The following BARHL1 variants were observed in gnomAD, a reference collection of about 807,000 sequenced individuals.
The protein encoded by BARHL1 is barH-like 1 homeobox protein.
In BARHL1, 2 loss-of-function variants were observed where a neutral mutation model predicts 20.1. That is an observed-to-expected ratio of 0.10 (90% CI 0.04 to 0.31). The LOEUF (loss-of-function observed/expected upper bound fraction) is 0.31. BARHL1 is among the 10% of genes least tolerant of loss of function. The probability of loss-of-function intolerance (pLI) is 1.00; values close to 1 mark genes in which losing one functional copy is unlikely to be tolerated. For synonymous variants in BARHL1, 213 were observed against 209.9 expected (o/e 1.01, Z -0.13); for missense variants, 397 against 454.0 (o/e 0.87, Z 1.14).
chr9:132,586,968 C>T (rs559852236), intron 1 of BARHL1, among the ~76,000 whole-genome samples: 35 of 152,390 alleles, frequency 2.3e-4, no homozygotes, highest in African/African-American at 8.4e-4. Flanking sequence ...GGTCCCTTCC[C>T]CTACGCTGGC....
rs933086142 is a variant in BARHL1 at position 132,587,851 on chromosome 9, G to A, written c.689+300G>A. ...CTGCCCCAGCTCAGCCGGAGTGGGG[G>A]GAGGTCTGCCTGGAGCCCCCACCTG... On this transcript the variant is annotated intron_variant, in intron 2 of 2. Transcript: ENST00000263610. The surrounding 1 kb of genome is among the most constrained non-coding windows in gnomAD (Gnocchi z 5.5). Among the ~76,000 whole-genome samples, 4 of 152,208 alleles carry A rather than the reference G, an allele frequency of 2.6e-5. No homozygotes were observed. The highest frequency in any genetic ancestry group is 9.6e-5 in the African/African-American group (4 of 41,460).
At chr9:132,585,478 T>C (rs1021135654) in intron 1 of BARHL1, among the ~76,000 whole-genome samples, 7 of 152,188 alleles carry the variant, frequency 4.6e-5, no homozygotes, top group Non-Finnish European at 7.3e-5. Flanking sequence ...TATTTGATAA[T>C]ATTTAAAGAA....
In BARHL1 at chr9:132,583,022, C is replaced by T; in HGVS notation, c.225C>T (p.Asp75=). The change falls in exon 1 of 3, where the codon GAC becomes GAT. Residue 75 remains aspartate (D), a synonymous_variant. Coordinates refer to ENST00000263610, the MANE Select transcript of BARHL1 (RefSeq NM_020064.4). ...RPGGASGPGL[D]SHLQPGQLSA... ...GCGGGGCATCCGGCCCAGGTTTGGACTCCCACCTGCAGCCCGGGCAGCTCT... is the reference window on the plus strand; with the variant it reads ...GCGGGGCATCCGGCCCAGGTTTGGATTCCCACCTGCAGCCCGGGCAGCTCT... The T allele has an allele frequency of 6.2e-7, 1 of 1,613,814 alleles. No individual in the cohort carries two copies. Among genetic ancestry groups the T allele is most frequent in the Non-Finnish European group, 8.5e-7 (1 of 1,179,958 alleles).
Position 132,587,485 on chromosome 9 carries a change from G to T in BARHL1, c.623G>T (p.Arg208Leu). 5 of 1,612,374 alleles carry T rather than the reference G, an allele frequency of 3.1e-6. No individual in the cohort carries two copies. The highest frequency in any genetic ancestry group is 4.2e-6 in the Non-Finnish European group (5 of 1,179,506). Residue 208 changes from arginine to leucine, a missense_variant, in exon 2 of 3, where the codon CGC becomes CTC. Physicochemically the swap from Arg to Leu is moderately radical, Grantham distance 102. Coordinates refer to ENST00000263610, the MANE Select transcript of BARHL1 (RefSeq NM_020064.4). The surrounding 1 kb of genome is among the most constrained non-coding windows in gnomAD (Gnocchi z 5.5). The part of the protein sequence containing the change: ...ERQKYLSVQD[R>L]MELAASLNLT... ...CAGAAGTACCTGAGCGTGCAGGACC[G>T]CATGGAGCTCGCCGCCTCGCTCAAC... is the stretch of plus-strand genomic sequence containing the variant.
At chr9:132,588,852 G>A (rs1368056808) in intron 2 of BARHL1, among the ~76,000 whole-genome samples, 2 of 152,040 alleles carry the variant, frequency 1.3e-5, no homozygotes, top group East Asian at 1.9e-4. Context: ...AAAGAGGCAC[G>A]CGCAGGGAGG....
chr9:132,589,286 TACTC>T lies in BARHL1; in HGVS notation c.750_753del (p.Tyr250Ter), dbSNP rs1477056226. On this transcript the variant is annotated frameshift_variant, in exon 3 of 3. Transcript: ENST00000263610. LOFTEE classifies it high-confidence loss of function. ...GGAGCTGCTGGCGGAGGCAGGCAAT[TACTC>T]AGCGCTCCAGCGGATGTTCCCGTCG... 1.9e-6 allele frequency: 3 copies of T among 1,613,172 alleles called. No individual in the cohort carries two copies. The highest frequency in any genetic ancestry group is 2.5e-6 in the Non-Finnish European group (3 of 1,179,898).
chr9:132,587,566 CG>C lies in BARHL1; in HGVS notation c.689+20del. Reference sequence around the variant, plus strand: ...CAGAACCGCAGGTGAGGCCTGGCTGCGGGGGTAGAGGCAGAAAGGGAACTTC... The same window carrying C: ...CAGAACCGCAGGTGAGGCCTGGCTGCGGGGTAGAGGCAGAAAGGGAACTTC... On this transcript the variant is annotated intron_variant, in intron 2 of 2. Transcript: ENST00000263610. This position sits in a 1 kb window ranked among gnomAD's most constrained non-coding sequence, Gnocchi z 5.5. The C allele has an allele frequency of 6.3e-7, 1 of 1,596,648 alleles. No homozygotes were observed. The highest frequency in any genetic ancestry group is 1.1e-5 in the South Asian group (1 of 88,810).
At position 132,589,620 on chromosome 9, in the gene BARHL1, G is replaced by A. The variant is rs937567927; in HGVS notation, c.*98G>A. The A allele has an allele frequency of 2.1e-5, 26 of 1,229,414 alleles. No individual in the cohort carries two copies. Among genetic ancestry groups the A allele is most frequent in the Non-Finnish European group, 2.6e-5 (26 of 989,284 alleles). 76.2% of individuals were successfully genotyped at this position (1,229,414 alleles called of 1,614,324 possible). On this transcript the variant is annotated 3_prime_UTR_variant, in exon 3 of 3. Transcript: ENST00000263610. The stretch of plus-strand genomic sequence containing the variant: ...AGGTTCGACGCCCTTTCCCGGGAGG[G>A]GGCCCTGCCCGGCCCTCCCTGGCGC...
rs1291710303 is a variant in BARHL1, at chr9:132,582,824, C to A, written c.27C>A (p.Ile9=). 1.1e-5 allele frequency: 17 copies of A among 1,599,884 alleles called. No homozygotes were observed. The highest frequency in any genetic ancestry group is 1.4e-5 in the Non-Finnish European group (16 of 1,170,634). The change falls in exon 1 of 3, where the codon ATC becomes ATA. Residue 9 remains isoleucine (I), a synonymous_variant. Transcript: ENST00000263610. ...TGGAAGGCTCCAATGGCTTTGGGAT[C>A]GACTCCATTCTCTCCCACCGCGCGG... MEGSNGFG[I]DSILSHRAGS...
At position 132,587,435 on chromosome 9, in the gene BARHL1, G is replaced by A. The variant is rs146556792; in HGVS notation, c.573G>A (p.Ala191=). The part of the protein sequence containing the change: ...ARTAFTDHQL[A]QLERSFERQK... Reference sequence around the variant, plus strand: ...CGGCCTTCACCGACCATCAGCTGGCGCAGCTGGAGCGCAGCTTCGAGCGGC... The same window carrying A: ...CGGCCTTCACCGACCATCAGCTGGCACAGCTGGAGCGCAGCTTCGAGCGGC... Residue 191 remains alanine (A), a synonymous_variant, in exon 2 of 3, where the codon GCG becomes GCA. Coordinates refer to ENST00000263610, the MANE Select transcript of BARHL1 (RefSeq NM_020064.4). The surrounding 1 kb of genome is among the most constrained non-coding windows in gnomAD (Gnocchi z 5.5). 163 of 1,612,514 alleles carry A rather than the reference G, an allele frequency of 1.0e-4. No homozygotes were observed. The highest frequency in any genetic ancestry group is 6.2e-4 in the South Asian group (56 of 90,832).
rs759902628 is a variant in BARHL1, at chr9:132,589,465, G to A, written c.927G>A (p.Pro309=). ...LIHGLQGASE[P]PPPLPPLAGV... is the part of the protein sequence containing the mutation. ...ACGGACTCCAGGGCGCCAGCGAGCC[G>A]CCCCCGCCGCTGCCCCCCCTGGCCG... The change falls in exon 3 of 3, where the codon CCG becomes CCA. Residue 309 remains proline, a synonymous_variant. Coordinates refer to ENST00000263610, the MANE Select transcript of BARHL1 (RefSeq NM_020064.4). 5 of 1,472,640 alleles carry A rather than the reference G, an allele frequency of 3.4e-6. No homozygotes were observed. In the Middle Eastern group the frequency reaches 5.9e-4, roughly 174 times the overall value. The allele number at this position is 1,472,640 out of a possible 1,614,324, so 91.2% of individuals were successfully genotyped here. A position where few individuals can be genotyped will look rare whatever the true frequency, so the allele number is the denominator to read the frequency against.
At chr9:132,585,197 T>A (rs1252273937) in intron 1 of BARHL1, among the ~76,000 whole-genome samples, 1 of 152,162 alleles carries the variant, frequency 6.6e-6, no homozygotes, top group Non-Finnish European at 1.5e-5. Context: ...GTAGAAGGTC[T>A]TGCCCAACCC....
chr9:132,589,131 C>T, intron 2 of BARHL1, 97 bp from the exon 3 acceptor site: 2 of 1,498,394 alleles, frequency 1.3e-6, no homozygotes, highest in South Asian at 1.4e-5. Context: ...CCCTCTTGGC[C>T]TCCCTACAGG....
In BARHL1 at chr9:132,582,690, T is replaced by G; in HGVS notation, c.-108T>G. 1 of 1,072,168 alleles carries G rather than the reference T, an allele frequency of 9.3e-7. No homozygotes were observed. The highest frequency in any genetic ancestry group is 1.3e-6 in the Non-Finnish European group (1 of 751,356). 66.4% of individuals were successfully genotyped at this position (1,072,168 alleles called of 1,614,324 possible). On this transcript the variant is annotated 5_prime_UTR_variant, in exon 1 of 3. Transcript: ENST00000263610. ...AACTCCGTCCAAGGTGCCCGCAGGC[T>G]CCCTGCCCGCCTTCCCCATGCCAGC...
chr9:132,583,367 T>C, intron 1 of BARHL1, 104 bp downstream of exon 1: 1 of 1,034,164 alleles, frequency 9.7e-7, no homozygotes. Flanking sequence ...ACCTGGGGGC[T>C]CCCCCAGGGC....
Position 132,587,188 on chromosome 9 carries a change from T to A in BARHL1, c.467-141T>A. 1 of 829,490 alleles carries A rather than the reference T, an allele frequency of 1.2e-6. No homozygotes were observed. Among genetic ancestry groups the A allele is most frequent in the Non-Finnish European group, 1.9e-6 (1 of 531,446 alleles). The allele number at this position is 829,490 out of a possible 1,614,324, so 51.4% of individuals were successfully genotyped here. On this transcript the variant is annotated intron_variant, in intron 1 of 2. Transcript: ENST00000263610. The surrounding 1 kb of genome is among the most constrained non-coding windows in gnomAD (Gnocchi z 5.5). ...TGTTCCCGGGGCCCCAGAGGTCCCGTCTGAGAGCGGCCCCCGCGAGCTTGG... is the reference window on the plus strand; with the variant it reads ...TGTTCCCGGGGCCCCAGAGGTCCCGACTGAGAGCGGCCCCCGCGAGCTTGG...
chr9:132,585,840 C>A (rs2119133214), intron 1 of BARHL1, among the ~76,000 whole-genome samples: 1 of 152,338 alleles, frequency 6.6e-6, no homozygotes, highest in South Asian at 2.1e-4. Context: ...CCCTGAGAAG[C>A]GGGGGATTTT....
rs760832863 is a variant in BARHL1 at position 132,589,358 on chromosome 9, G to A, written c.820G>A (p.Gly274Ser). ...PQSLVSNLDP[G>S]AALYLYRGPS... is the part of the protein sequence containing the mutation. Reference sequence around the variant, plus strand: ...GAGTCTGGTTTCCAACCTGGACCCCGGCGCGGCGCTCTACCTGTACCGCGG... The same window carrying A: ...GAGTCTGGTTTCCAACCTGGACCCCAGCGCGGCGCTCTACCTGTACCGCGG... Residue 274 changes from glycine to serine, a missense_variant, in exon 3 of 3, where the codon GGC becomes AGC. This residue lies in a region of BARHL1 where 121 missense variants were observed against 135.9 expected (regional missense o/e 0.89). Transcript: ENST00000263610. The A allele has an allele frequency of 6.2e-7, 1 of 1,613,290 alleles. No homozygotes were observed. The highest frequency in any genetic ancestry group is 8.5e-7 in the Non-Finnish European group (1 of 1,179,946).
Position 132,587,104 on chromosome 9 carries a change from G to A in BARHL1, c.467-225G>A, listed in dbSNP as rs1463011930. Among the ~76,000 whole-genome samples, 3 of 151,950 alleles carry A rather than the reference G, an allele frequency of 2.0e-5. No individual in the cohort carries two copies. The highest frequency in any genetic ancestry group is 6.5e-5 in the Admixed American group (1 of 15,286). On this transcript the variant is annotated intron_variant, in intron 1 of 2. Transcript: ENST00000263610. The surrounding 1 kb of genome is among the most constrained non-coding windows in gnomAD (Gnocchi z 5.5). ...GGGTTCTTTCTCCCCGGAGCTGCCC[G>A]GGGGGTCTCGGCCTCGGGCGCTCCC...
Sources: allele counts gnomAD v4.1 joint callset (sites outside exome capture counted in the v4.1 genomes callset), GRCh38; gene constraint gnomAD v4.1.1; regional missense constraint gnomAD v4.1.1; non-coding constraint Gnocchi (gnomAD v3.1); transcripts MANE v1.5; gene names NCBI Gene and HGNC (gene_info 2026-07-23, HGNC 2026-07-21).